Variants in PHAX observed in about 807,000 individuals in gnomAD.
PHAX encodes the protein phosphorylated adapter RNA export protein.
PHAX carries 31 observed loss-of-function variants against 41.6 expected under a neutral mutation model. That is an observed-to-expected ratio of 0.75 (90% CI 0.56 to 1.01). The LOEUF is 1.01. Ranked by LOEUF, PHAX falls within the 50% of genes least tolerant of loss-of-function variation. PHAX has a pLI of 0.00. For synonymous variants in PHAX, 175 were observed against 164.9 expected (o/e 1.06, Z -0.47); for missense variants, 453 against 472.9 (o/e 0.96, Z 0.39).
chr5:126,605,258 C>T (rs1000609958), intron 2 of PHAX, among the ~76,000 whole-genome samples: 1 of 151,826 alleles, frequency 6.6e-6, no homozygotes, highest in African/African-American at 2.4e-5. Flanking sequence ...AACTCCTGGG[C>T]TTAAGCAATC....
chr5:126,613,383 AATC>A (rs1274213052), intron 3 of PHAX, among the ~76,000 whole-genome samples: 1 of 152,148 alleles, frequency 6.6e-6, no homozygotes, highest in Non-Finnish European at 1.5e-5. Context: ...TATATGACAG[AATC>A]CCATTTGGGG....
chr5:126,610,842 A>C (rs1370420043), intron 3 of PHAX, among the ~76,000 whole-genome samples: 1 of 151,586 alleles, frequency 6.6e-6, no homozygotes, highest in African/African-American at 2.4e-5. Flanking sequence ...AGTAGCTGGG[A>C]TTGCAGGTGC....
intron 1 of PHAX, among the ~76,000 whole-genome samples, chr5:126,602,821 G>A (rs4836279): frequency 2.0e-5 from 3 of 152,014 alleles, no homozygotes; most frequent in South Asian, 2.1e-4. Flanking sequence ...TGGCTAACGC[G>A]GTGAAACCCC....
chr5:126,613,308 C>T (rs1752134617), intron 3 of PHAX, among the ~76,000 whole-genome samples: 1 of 152,114 alleles, frequency 6.6e-6, no homozygotes, highest in Admixed American at 6.6e-5. Flanking sequence ...GAGATTGTGC[C>T]ACTGCACTCC....
rs1487054996 is a variant in PHAX at position 126,603,974 on chromosome 5, T to C, written c.501T>C (p.His167=). ...AACTTAGGAAGGAATCTCAAGAGCA[T>C]ACAAAAGATCTAGACAAGGAACTAG... ...AKKLRKESQE[H]TKDLDKELDE... The change falls in exon 2 of 5, where the codon CAT becomes CAC. Residue 167 remains histidine (H), a synonymous_variant. Transcript: ENST00000297540. 3.7e-6 allele frequency: 6 copies of C among 1,613,918 alleles called. No individual in the cohort carries two copies. The highest frequency in any genetic ancestry group is 5.1e-6 in the Non-Finnish European group (6 of 1,179,996).
rs1252278348 is a variant in PHAX at position 126,624,956 on chromosome 5, GAC to G, written c.*114_*115del. 5.3e-6 allele frequency: 5 copies of G among 945,866 alleles called. No individual in the cohort carries two copies. In the African/African-American group the frequency reaches 6.6e-5, roughly 13 times the overall value. 58.6% of individuals were successfully genotyped at this position (945,866 alleles called of 1,614,324 possible). A position where few individuals can be genotyped will look rare whatever the true frequency, so the allele number is the denominator to read the frequency against. On this transcript the variant is annotated 3_prime_UTR_variant, in exon 5 of 5. Coordinates refer to ENST00000297540, the MANE Select transcript of PHAX (RefSeq NM_032177.4). ...GATAAACATGAGAATCTGGAGGAAA[GAC>G]AATTGTTTTCTTGTTTAAAATATGT...
At chr5:126,601,547 A>G (rs553124394) in intron 1 of PHAX, among the ~76,000 whole-genome samples, 1 of 152,322 alleles carries the variant, frequency 6.6e-6, no homozygotes, top group East Asian at 1.9e-4. Flanking sequence ...CCTGAGCCGA[A>G]GGGAGACTGA....
rs376496235 is a variant in PHAX, at chr5:126,601,015, C to T, written c.53C>T (p.Ser18Phe). The T allele has an allele frequency of 1.2e-6, 2 of 1,606,512 alleles. No homozygotes were observed. Among genetic ancestry groups the T allele is most frequent in the African/African-American group, 2.7e-5 (2 of 73,330 alleles). ...MEDGQLSDSD[S>F]DMTVAPSDRP... is the part of the protein sequence containing the mutation. ...GATGGGCAGCTTTCCGACTCGGATT[C>T]CGACATGACGGTCGCACCCAGCGAC... Residue 18 changes from serine to phenylalanine, a missense_variant, in exon 1 of 5, where the codon TCC (serine) becomes TTC (phenylalanine). Physicochemically the swap from Ser to Phe is radical, Grantham distance 155. Coordinates refer to ENST00000297540, the MANE Select transcript of PHAX (RefSeq NM_032177.4).
rs563382681 is a variant in PHAX at position 126,625,893 on chromosome 5, C to A, written c.*1049C>A. ...TTTTTGTATTTTTAGTAAAGACTTT[C>A]GCCATGTTGTCCAGGCTGGTCTCGA... is the stretch of plus-strand genomic sequence containing the variant. On this transcript the variant is annotated 3_prime_UTR_variant, in exon 5 of 5. Coordinates refer to ENST00000297540, the MANE Select transcript of PHAX (RefSeq NM_032177.4). The A allele has an allele frequency of 1.3e-5, 2 of 152,174 alleles. No individual in the cohort carries two copies. The highest frequency in any genetic ancestry group is 6.6e-5 in the Admixed American group (1 of 15,264). 9.4% of individuals were successfully genotyped at this position (152,174 alleles called of 1,614,324 possible). A position where few individuals can be genotyped will look rare whatever the true frequency, so the allele number is the denominator to read the frequency against.
chr5:126,624,832 G>A lies in PHAX; in HGVS notation c.1173G>A (p.Leu391=), dbSNP rs1017168738. ...EAIEVDHSHD[L]DIF ...TTGAAGTTGATCATTCTCATGATTT[G>A]GACATCTTTTAAGTACATTTTCAAC... Residue 391 remains leucine (L), a synonymous_variant, in exon 5 of 5, where the codon TTG becomes TTA. Coordinates refer to ENST00000297540, the MANE Select transcript of PHAX (RefSeq NM_032177.4). 6.2e-6 allele frequency: 10 copies of A among 1,606,040 alleles called. No homozygotes were observed. The highest frequency in any genetic ancestry group is 7.6e-6 in the Non-Finnish European group (9 of 1,177,298).
At chr5:126,614,605 A>G (rs1183752551) in intron 3 of PHAX, among the ~76,000 whole-genome samples, 2 of 152,098 alleles carry the variant, frequency 1.3e-5, no homozygotes, top group Admixed American at 1.3e-4. Context: ...GTGTAAATAT[A>G]CTTTACTACT....
In PHAX at chr5:126,608,262, A is replaced by G; in HGVS notation, c.711-102A>G. On this transcript the variant is annotated intron_variant, in intron 2 of 4. Coordinates refer to ENST00000297540, the MANE Select transcript of PHAX (RefSeq NM_032177.4). ...TAAATATTGAAGATTTAGAAAACCA[A>G]AAGTTACTAGAATCAGATTTTTATT... The G allele has an allele frequency of 7.3e-6, 10 of 1,377,166 alleles. No homozygotes were observed. In the South Asian group the frequency reaches 1.4e-4, roughly 19 times the overall value. The allele number at this position is 1,377,166 out of a possible 1,614,324, so 85.3% of individuals were successfully genotyped here.
chr5:126,606,684 C>G (rs1183427652), intron 2 of PHAX, among the ~76,000 whole-genome samples: 2 of 152,132 alleles, frequency 1.3e-5, no homozygotes. Flanking sequence ...CAGAGTCTCA[C>G]TCTGTTGCCC....
intron 3 of PHAX, among the ~76,000 whole-genome samples, chr5:126,612,832 A>G (rs1226111644): frequency 6.6e-6 from 1 of 152,192 alleles, no homozygotes; most frequent in Non-Finnish European, 1.5e-5. Flanking sequence ...GGTGAAGGAA[A>G]AGTGGTCAGA....
In PHAX at chr5:126,626,268, G is replaced by A. The variant is rs1376829298; in HGVS notation, c.*1424G>A. 6.6e-6 allele frequency: 1 copy of A among 152,092 alleles called. No homozygotes were observed. Among genetic ancestry groups the A allele is most frequent in the Non-Finnish European group, 1.5e-5 (1 of 68,040 alleles). 9.4% of individuals were successfully genotyped at this position (152,092 alleles called of 1,614,324 possible). A position where few individuals can be genotyped will look rare whatever the true frequency, so the allele number is the denominator to read the frequency against. On this transcript the variant is annotated 3_prime_UTR_variant, in exon 5 of 5. Coordinates refer to ENST00000297540, the MANE Select transcript of PHAX (RefSeq NM_032177.4). Reference sequence around the variant, plus strand: ...TCCCAGTGGCAGCCTGCCTAAGACTGTCTTACCTTATGTTAAGGAAGTCAG... The same window carrying A: ...TCCCAGTGGCAGCCTGCCTAAGACTATCTTACCTTATGTTAAGGAAGTCAG...
At chr5:126,602,552 G>A (rs1030098203) in intron 1 of PHAX, among the ~76,000 whole-genome samples, 6 of 152,226 alleles carry the variant, frequency 3.9e-5, no homozygotes, top group Non-Finnish European at 5.9e-5. Flanking sequence ...CATTTCTAGC[G>A]TAGTAGGAGT....
intron 4 of PHAX, among the ~76,000 whole-genome samples, chr5:126,621,887 T>C (rs1752278926): frequency 6.6e-6 from 1 of 152,196 alleles, no homozygotes; most frequent in African/African-American, 2.4e-5. Flanking sequence ...TGCAACAACA[T>C]TTTGGGGACC....
At chr5:126,602,228 C>T (rs1013832709) in intron 1 of PHAX, among the ~76,000 whole-genome samples, 102 of 151,704 alleles carry the variant, frequency 6.7e-4, no homozygotes, top group African/African-American at 2.5e-3. Flanking sequence ...ACTACAGGCG[C>T]GAGCCACCGC....
At chr5:126,615,806 C>G (rs912696982) in intron 3 of PHAX, among the ~76,000 whole-genome samples, 4 of 152,178 alleles carry the variant, frequency 2.6e-5, no homozygotes, top group African/African-American at 9.6e-5. Flanking sequence ...TTTCAGGAAC[C>G]TAACCCTGTA....
Sources: allele counts gnomAD v4.1 joint callset (sites outside exome capture counted in the v4.1 genomes callset), GRCh38; gene constraint gnomAD v4.1.1; transcripts MANE v1.5; gene names NCBI Gene and HGNC (gene_info 2026-07-23, HGNC 2026-07-21).